Variants in COG5 observed in about 807,000 individuals in gnomAD.
The protein encoded by COG5 is component of oligomeric golgi complex 5, also known as conserved oligomeric Golgi complex subunit 5.
A neutral mutation model predicts 110.4 loss-of-function variants in COG5; 86 were observed. The ratio of observed to expected loss-of-function variants is 0.78; its 90% CI spans 0.65 to 0.93. The LOEUF (loss-of-function observed/expected upper bound fraction) is 0.93. COG5 is among the 40% of genes least tolerant of loss of function. The pLI is 0.00. For missense variants in COG5, 1,077 were observed against 987.0 expected (o/e 1.09, Z -1.22); for synonymous variants, 360 against 334.6 (o/e 1.08, Z -0.83).
chr7:107,259,748 TTA>T (rs1803179067), intron 14 of COG5, among the ~76,000 whole-genome samples: 2 of 152,170 alleles, frequency 1.3e-5, no homozygotes, highest in South Asian at 4.1e-4. Flanking sequence ...GGAAGAATTT[TTA>T]TGTTATTTTA....
intron 7 of COG5, among the ~76,000 whole-genome samples, chr7:107,386,234 G>C (rs1451799964): frequency 6.9e-6 from 1 of 145,266 alleles, no homozygotes; most frequent in Admixed American, 7.1e-5. Context: ...TAGACCATCC[G>C]CAGGTATATG....
chr7:107,479,238 G>C (rs962020456), intron 6 of COG5, among the ~76,000 whole-genome samples: 1 of 152,090 alleles, frequency 6.6e-6, no homozygotes, highest in African/African-American at 2.4e-5. Context: ...TTCTGGAAGA[G>C]CAAATTGTTC....
Position 107,281,362 on chromosome 7 carries a change from A to T in COG5, c.1513T>A (p.Leu505Ile). Reference sequence around the variant, plus strand: ...TTTGCCACATTTTTTGACACAGCTAATGTGAGGTTTGTATCAACAGCAGCA... The same window carrying T: ...TTTGCCACATTTTTTGACACAGCTATTGTGAGGTTTGTATCAACAGCAGCA... ...NVAAVDTNLT[L>I]AVSKNVAKTI... is the part of the protein sequence containing the mutation. Residue 505 changes from leucine to isoleucine, a missense_variant, in exon 14 of 22, where the codon TTA (leucine) becomes ATA (isoleucine). By Grantham distance (5) the Leu-to-Ile change is conservative. Transcript: ENST00000297135. The T allele has an allele frequency of 6.2e-7, 1 of 1,613,564 alleles. No homozygotes were observed. Among genetic ancestry groups the T allele is most frequent in the Non-Finnish European group, 8.5e-7 (1 of 1,179,608 alleles).
chr7:107,225,509 T>C (rs1005656921), intron 19 of COG5, among the ~76,000 whole-genome samples: 4 of 152,200 alleles, frequency 2.6e-5, no homozygotes, highest in African/African-American at 9.7e-5. Flanking sequence ...AAACAAATAC[T>C]TTTATTCATT....
At chr7:107,340,324 G>A (rs920374991) in intron 10 of COG5, among the ~76,000 whole-genome samples, 11 of 152,168 alleles carry the variant, frequency 7.2e-5, no homozygotes, top group Admixed American at 5.2e-4. Flanking sequence ...ATCAAATCAG[G>A]AAGAAACTGG....
chr7:107,427,619 G>C (rs190916635), intron 6 of COG5, among the ~76,000 whole-genome samples: 1 of 152,052 alleles, frequency 6.6e-6, no homozygotes, highest in Admixed American at 6.5e-5. Flanking sequence ...ACCTCCTCCA[G>C]CTGGTGACGC....
At position 107,226,276 on chromosome 7, in the gene COG5, T is replaced by G. The variant is rs148287006; in HGVS notation, c.2168+4339A>C. Among the ~76,000 whole-genome samples the G allele has an allele frequency of 2.0e-4, 30 of 152,302 alleles. No homozygotes were observed. The East Asian group carries it at 4.8e-3, about 24-fold the overall frequency. ...TTTTGGTTTGATTGAGAGTCTTTGGTGAGGAGACCCATGAACAAGTGCCAA... is the reference window on the plus strand; with the variant it reads ...TTTTGGTTTGATTGAGAGTCTTTGGGGAGGAGACCCATGAACAAGTGCCAA... On this transcript the variant is annotated intron_variant, in intron 19 of 21. Transcript: ENST00000297135.
At chr7:107,289,950 C>T (rs1366503326) in intron 12 of COG5, among the ~76,000 whole-genome samples, 1 of 152,142 alleles carries the variant, frequency 6.6e-6, no homozygotes, top group Non-Finnish European at 1.5e-5. Context: ...TCCTTTGTTC[C>T]CAAACAGCTG....
chr7:107,323,356 C>A (rs1809469991), intron 11 of COG5, among the ~76,000 whole-genome samples: 1 of 152,058 alleles, frequency 6.6e-6, no homozygotes, highest in Non-Finnish European at 1.5e-5. Context: ...TGGTGAAACC[C>A]CGTCTTTACT....
At chr7:107,345,247 C>G (rs1562979207) in intron 10 of COG5, among the ~76,000 whole-genome samples, 1 of 152,068 alleles carries the variant, frequency 6.6e-6, no homozygotes, top group African/African-American at 2.4e-5. Context: ...TCAAAGATCA[C>G]TGATCACCTT....
At chr7:107,364,715 C>A (rs1017392219) in intron 8 of COG5, among the ~76,000 whole-genome samples, 7 of 152,296 alleles carry the variant, frequency 4.6e-5, no homozygotes, top group Middle Eastern at 3.4e-3. Context: ...TGTGTGTCAA[C>A]TACCTCACTG....
chr7:107,315,568 T>C (rs1808655284), intron 11 of COG5, among the ~76,000 whole-genome samples: 1 of 106,930 alleles, frequency 9.4e-6, no homozygotes, highest in African/African-American at 2.8e-5. Context: ...AATAGAACTT[T>C]TTTTTTTTTT....
chr7:107,495,808 A>G (rs1798235748), intron 6 of COG5, among the ~76,000 whole-genome samples: 2 of 152,328 alleles, frequency 1.3e-5, no homozygotes, highest in Non-Finnish European at 2.9e-5. Context: ...AAAATAAAAT[A>G]GAAGACACAA....
chr7:107,281,530 T>C (rs1448907970), intron 13 of COG5, 131 bp from the exon 14 acceptor site: 5 of 721,664 alleles, frequency 6.9e-6, no homozygotes, highest in Middle Eastern at 2.7e-4. Context: ...TTCCAAGAAC[T>C]GGTTGCATTG....
At chr7:107,410,794 A>G (rs1792227042) in intron 7 of COG5, among the ~76,000 whole-genome samples, 1 of 152,192 alleles carries the variant, frequency 6.6e-6, no homozygotes, top group African/African-American at 2.4e-5. Flanking sequence ...AACAGGAACA[A>G]GGGAGTGGGA....
chr7:107,230,400 G>A (rs1156578656), intron 19 of COG5, among the ~76,000 whole-genome samples: 6 of 152,004 alleles, frequency 3.9e-5, no homozygotes, highest in East Asian at 1.9e-4. Flanking sequence ...TGTGAACTGT[G>A]ACTAAGAAAA....
At chr7:107,332,644 G>A (rs886234973) in intron 10 of COG5, among the ~76,000 whole-genome samples, 10 of 152,078 alleles carry the variant, frequency 6.6e-5, no homozygotes, top group African/African-American at 2.2e-4. Flanking sequence ...TGGCATCTGG[G>A]TCACTAAGGT....
intron 6 of COG5, among the ~76,000 whole-genome samples, chr7:107,491,678 G>C (rs1453478913): frequency 6.6e-6 from 1 of 152,130 alleles, no homozygotes; most frequent in Non-Finnish European, 1.5e-5. Flanking sequence ...TAGGGGACCA[G>C]AGTAAAACAG....
chr7:107,436,575 C>A (rs962852138), intron 6 of COG5, among the ~76,000 whole-genome samples: 1 of 152,106 alleles, frequency 6.6e-6, no homozygotes, highest in Non-Finnish European at 1.5e-5. Context: ...CATAAAACTA[C>A]ATACTTAAAA....
Sources: gnomAD v4.1 joint callset for allele counts (sites outside exome capture counted in the v4.1 genomes callset) on GRCh38, gnomAD v4.1.1 for gene constraint, MANE v1.5 for transcripts, NCBI Gene and HGNC (gene_info 2026-07-23, HGNC 2026-07-21) for gene names.